Variants in ATP8B4 observed in about 807,000 individuals in gnomAD.
ATP8B4 encodes the protein probable phospholipid-transporting ATPase IM.
A neutral mutation model predicts 145.6 loss-of-function variants in ATP8B4; 133 were observed. The observed-to-expected ratio is 0.91, with a 90% confidence interval of 0.79 to 1.05. The LOEUF (loss-of-function observed/expected upper bound fraction) is 1.05. Ranked by LOEUF, ATP8B4 falls within the 50% of genes least tolerant of loss-of-function variation. The pLI is 0.00. For missense variants in ATP8B4, 1,458 were observed against 1,425.2 expected, an observed-to-expected ratio of 1.02 and a Z score of -0.37; for synonymous variants, 507 against 492.9, an observed-to-expected ratio of 1.03 and a Z score of -0.38.
chr15:50,135,790 C>T (rs1219926742), intron 1 of ATP8B4, among the ~76,000 whole-genome samples: 4 of 152,212 alleles, frequency 2.6e-5, no homozygotes, highest in South Asian at 4.2e-4. Flanking sequence ...GTCCTAGGCT[C>T]CTCTTATATC....
Position 49,934,077 on chromosome 15 carries a change from G to T in ATP8B4, c.1393C>A (p.His465Asn). ...AGAGCAAGTAACCTAAGGAATTCAT[G>T]AACTTTGGGATCACCCATTTTAATG... is the stretch of plus-strand genomic sequence containing the variant. The part of the protein sequence containing the change: ...ESIKMGDPKV[H>N]EFLRLLALCH... Residue 465 changes from histidine (H) to asparagine (N), a missense_variant, in exon 15 of 28, where the codon CAT becomes AAT. Transcript: ENST00000284509. 1 of 1,612,722 alleles carries T rather than the reference G, an allele frequency of 6.2e-7. No individual in the cohort carries two copies. The highest frequency in any genetic ancestry group is 8.5e-7 in the Non-Finnish European group (1 of 1,179,156).
At chr15:49,905,226 T>C (rs149439702) in intron 20 of ATP8B4, among the ~76,000 whole-genome samples, 4 of 152,352 alleles carry the variant, frequency 2.6e-5, no homozygotes, top group African/African-American at 9.6e-5. Flanking sequence ...TCCATGTTTA[T>C]GAAATAATCT....
At chr15:49,960,922 G>A (rs1227448326) in intron 14 of ATP8B4, among the ~76,000 whole-genome samples, 2 of 152,128 alleles carry the variant, frequency 1.3e-5, no homozygotes, top group Admixed American at 1.3e-4. Context: ...CACGAGGTCA[G>A]GAGATCAAGA....
At chr15:49,929,462 A>T (rs969395779) in intron 16 of ATP8B4, among the ~76,000 whole-genome samples, 1 of 152,104 alleles carries the variant, frequency 6.6e-6, no homozygotes, top group African/African-American at 2.4e-5. Context: ...TCCATATTTG[A>T]CATAAAACTT....
rs370172195 is a variant in ATP8B4 at position 49,931,276 on chromosome 15, A to G, written c.1485T>C (p.Asp495=). 46 of 1,612,510 alleles carry G rather than the reference A, an allele frequency of 2.9e-5. No homozygotes were observed. Among genetic ancestry groups the G allele is most frequent in the Non-Finnish European group, 3.6e-5 (43 of 1,179,164 alleles). Residue 495 remains aspartate (D), a synonymous_variant, in exon 16 of 28, where the codon GAT becomes GAC. Transcript: ENST00000284509. ...TAGCGGCAGTCACTAGAGCCCCTTC[A>G]TCAGGTGACTGAACTTGGTAAATCA... The part of the protein sequence containing the change: ...GELIYQVQSP[D]EGALVTAARN...
chr15:50,067,799 T>C (rs1038395377), intron 3 of ATP8B4, among the ~76,000 whole-genome samples: 1 of 152,180 alleles, frequency 6.6e-6, no homozygotes. Flanking sequence ...CTACACTAGC[T>C]TCTTCATGTA....
chr15:49,978,340 T>C (rs554895416), intron 12 of ATP8B4, among the ~76,000 whole-genome samples: 3 of 152,168 alleles, frequency 2.0e-5, no homozygotes, highest in East Asian at 1.9e-4. Flanking sequence ...CAGTAGGATA[T>C]AGTTTAAATA....
intron 2 of ATP8B4, among the ~76,000 whole-genome samples, chr15:50,087,203 TAATAA>T (rs1374244657): frequency 7.7e-6 from 1 of 130,214 alleles, no homozygotes; most frequent in Non-Finnish European, 1.5e-5. Flanking sequence ...ATATTATATA[TAATAA>T]AATAATATAT....
At position 49,860,193 on chromosome 15, in the gene ATP8B4, C is replaced by T; in HGVS notation, c.*1G>A. Reference sequence around the variant, plus strand: ...ACTACGTGGTTTAAATTCATATTGACTCACAGTTTCACTGTTTTATCCTGG... The same window carrying T: ...ACTACGTGGTTTAAATTCATATTGATTCACAGTTTCACTGTTTTATCCTGG... On this transcript the variant is annotated 3_prime_UTR_variant, in exon 28 of 28. Transcript: ENST00000284509. 3.7e-6 allele frequency: 6 copies of T among 1,606,022 alleles called. No homozygotes were observed. The highest frequency in any genetic ancestry group is 4.3e-6 in the Non-Finnish European group (5 of 1,176,130).
upstream of ATP8B4, among the ~76,000 whole-genome samples, chr15:50,122,757 C>T (rs1190575762): frequency 6.6e-6 from 1 of 152,128 alleles, no homozygotes; most frequent in Admixed American, 6.5e-5. Context: ...AGACTAGAAG[C>T]CCACTTGAAT....
At chr15:50,143,081 G>A (rs1438176706) in intron 1 of ATP8B4, among the ~76,000 whole-genome samples, 1 of 152,142 alleles carries the variant, frequency 6.6e-6, no homozygotes, top group Non-Finnish European at 1.5e-5. Flanking sequence ...TTCCCTTAAA[G>A]GCAAGAACTT....
At chr15:50,001,568 G>C (rs2153560556) in intron 8 of ATP8B4, among the ~76,000 whole-genome samples, 1 of 152,254 alleles carries the variant, frequency 6.6e-6, no homozygotes, top group African/African-American at 2.4e-5. Flanking sequence ...AGGATTAAAT[G>C]ATAAATTCCA....
At chr15:50,090,249 T>C (rs748917489) in intron 2 of ATP8B4, among the ~76,000 whole-genome samples, 26 of 152,072 alleles carry the variant, frequency 1.7e-4, no homozygotes, top group Middle Eastern at 6.8e-3. Flanking sequence ...TCGGGAAAAA[T>C]AGTTAATGCA....
At chr15:49,951,511 A>C (rs1055638121) in intron 14 of ATP8B4, among the ~76,000 whole-genome samples, 1 of 152,066 alleles carries the variant, frequency 6.6e-6, no homozygotes, top group African/African-American at 2.4e-5. Context: ...AGAGACTAGG[A>C]TTGCAAACCC....
chr15:50,010,924 AC>A lies in ATP8B4; in HGVS notation c.363-8del. On this transcript the variant is annotated splice_region_variant and splice_polypyrimidine_tract_variant and intron_variant, in intron 6 of 27. Transcript: ENST00000284509. ...CCATTTTTCATTCTGCAGTCTAAAA[AC>A]AAAAATAAAATTAATTTTCTTCAAG... 1 of 1,523,568 alleles carries A rather than the reference AC, an allele frequency of 6.6e-7. No homozygotes were observed. The highest frequency in any genetic ancestry group is 8.8e-7 in the Non-Finnish European group (1 of 1,130,638). The allele number at this position is 1,523,568 out of a possible 1,614,324, so 94.4% of individuals were successfully genotyped here.
Position 49,979,604 on chromosome 15 carries a change from A to G in ATP8B4, c.1034+13T>C. 1 of 1,429,528 alleles carries G rather than the reference A, an allele frequency of 7.0e-7. No homozygotes were observed. Among genetic ancestry groups the G allele is most frequent in the South Asian group, 1.5e-5 (1 of 65,094 alleles). 88.6% of individuals were successfully genotyped at this position (1,429,528 alleles called of 1,614,324 possible). ...ATGAAATTATTTCATTAAAATATAA[A>G]CTCTCATCTTACCTCACATATAAGG... On this transcript the variant is annotated intron_variant, in intron 12 of 27. Coordinates refer to ENST00000284509, the MANE Select transcript of ATP8B4 (RefSeq NM_024837.4).
intron 7 of ATP8B4, among the ~76,000 whole-genome samples, chr15:50,009,102 T>C (rs1414818358): frequency 6.6e-6 from 1 of 152,170 alleles, no homozygotes; most frequent in Admixed American, 6.6e-5. Context: ...CAAAACTCTT[T>C]CACTGTAATC....
At chr15:50,091,190 A>T (rs1019594952) in intron 2 of ATP8B4, among the ~76,000 whole-genome samples, 2 of 152,152 alleles carry the variant, frequency 1.3e-5, no homozygotes, top group Non-Finnish European at 2.9e-5. Context: ...TGAGAGCAAC[A>T]TTAGATGAGA....
At chr15:50,148,151 C>G (rs2044302875) in intron 1 of ATP8B4, among the ~76,000 whole-genome samples, 1 of 152,068 alleles carries the variant, frequency 6.6e-6, no homozygotes, top group Non-Finnish European at 1.5e-5. Flanking sequence ...AAACCTGAAT[C>G]TAATCATGAG....
Sources: gnomAD v4.1 joint callset for allele counts (sites outside exome capture counted in the v4.1 genomes callset) on GRCh38, gnomAD v4.1.1 for gene constraint, MANE v1.5 for transcripts, NCBI Gene and HGNC (gene_info 2026-07-23, HGNC 2026-07-21) for gene names.